Variants in TRPM8 observed in about 807,000 individuals in gnomAD.
TRPM8 encodes TRPM8 cationic channel.
Under a neutral mutation model 133.7 loss-of-function variants are expected in TRPM8, and 110 were observed. That is an observed-to-expected ratio of 0.82 (90% CI 0.70 to 0.96). TRPM8 has a LOEUF of 0.96. Among genes scored for constraint, TRPM8 ranks in the 40% least tolerant of loss-of-function variants. The pLI is 0.00. For synonymous variants in TRPM8, 535 were observed against 532.3 expected (o/e 1.01, Z -0.07); for missense variants, 1,291 against 1,379.5 (o/e 0.94, Z 1.02).
intron 9 of TRPM8, among the ~76,000 whole-genome samples, chr2:233,952,467 G>A (rs1055693204): frequency 6.6e-6 from 1 of 151,930 alleles, no homozygotes; most frequent in Non-Finnish European, 1.5e-5. Flanking sequence ...GGTGGGGGCT[G>A]GGGTTGTGGT....
intron 11 of TRPM8, among the ~76,000 whole-genome samples, chr2:233,958,428 G>A (rs1230539014): frequency 6.6e-6 from 1 of 152,108 alleles, no homozygotes; most frequent in Non-Finnish European, 1.5e-5. Flanking sequence ...GTGGCGGCCT[G>A]GGAATAACCT....
intron 17 of TRPM8, among the ~76,000 whole-genome samples, chr2:233,978,880 A>G (rs141660491): frequency 4.6e-5 from 7 of 152,206 alleles, no homozygotes; most frequent in African/African-American, 1.4e-4. Flanking sequence ...TCAAGTTGCT[A>G]TTCGAATTTA....
In TRPM8 at chr2:233,940,167, T is replaced by C. The variant is rs555456076; in HGVS notation, c.526+992T>C. On this transcript the variant is annotated intron_variant, in intron 5 of 25. Coordinates refer to ENST00000324695, the MANE Select transcript of TRPM8 (RefSeq NM_024080.5). ...GACTGTCTCTCATTGTGGATTTGGT[T>C]GATGTTTTCTCGTGATTAGATTCAG... Among the ~76,000 whole-genome samples, 5 of 152,260 alleles carry C rather than the reference T, an allele frequency of 3.3e-5. No individual in the cohort carries two copies. In the East Asian group the frequency reaches 9.6e-4, roughly 29 times the overall value.
chr2:233,932,449 G>A (rs1232137557), intron 3 of TRPM8, among the ~76,000 whole-genome samples: 2 of 151,862 alleles, frequency 1.3e-5, no homozygotes, highest in Non-Finnish European at 2.9e-5. Flanking sequence ...TGGGGCTGGA[G>A]GATGGAAGTT....
chr2:233,944,029 T>C (rs1407630482), intron 6 of TRPM8, among the ~76,000 whole-genome samples: 7 of 152,132 alleles, frequency 4.6e-5, no homozygotes, highest in African/African-American at 1.7e-4. Flanking sequence ...AGGAGGCGTT[T>C]TGAAGACAGA....
chr2:234,008,285 G>A (rs999008304), intron 24 of TRPM8, among the ~76,000 whole-genome samples, 182 bp downstream of exon 24: 2 of 152,230 alleles, frequency 1.3e-5, no homozygotes, highest in Non-Finnish European at 2.9e-5. Context: ...TCCCAGGGAA[G>A]AGTCTTGAAG....
intron 21 of TRPM8, among the ~76,000 whole-genome samples, chr2:233,990,359 A>C (rs560584341): frequency 1.1e-4 from 16 of 152,368 alleles, no homozygotes; most frequent in Non-Finnish European, 1.6e-4. Flanking sequence ...ACACTCTAGC[A>C]GCCGGTCAGA....
At chr2:233,968,384 G>A (rs561372449) in intron 15 of TRPM8, 3 of 152,592 alleles carry the variant, frequency 2.0e-5, no homozygotes, top group African/African-American at 7.2e-5. Flanking sequence ...GGGCACCCGG[G>A]GCTCAGCCTG....
At chr2:233,991,235 T>C (rs750760281) in intron 21 of TRPM8, among the ~76,000 whole-genome samples, 4 of 152,220 alleles carry the variant, frequency 2.6e-5, no homozygotes, top group Admixed American at 6.5e-5. Context: ...AGAAATGTCA[T>C]GGGTCTTCGT....
At chr2:233,964,242 C>T (rs1559531455) in intron 13 of TRPM8, among the ~76,000 whole-genome samples, 1 of 152,084 alleles carries the variant, frequency 6.6e-6, no homozygotes, top group Middle Eastern at 3.4e-3. Flanking sequence ...TTGACTTGAC[C>T]ACTTCAAGGG....
At chr2:233,973,613 C>T (rs1691789814) in intron 17 of TRPM8, among the ~76,000 whole-genome samples, 1 of 152,202 alleles carries the variant, frequency 6.6e-6, no homozygotes, top group Non-Finnish European at 1.5e-5. Context: ...ATGTCACATG[C>T]CAAGGTACTG....
At chr2:233,964,879 T>G in intron 14 of TRPM8, 122 bp downstream of exon 14, 1 of 1,061,888 alleles carries the variant, frequency 9.4e-7, no homozygotes, top group Non-Finnish European at 1.3e-6. Flanking sequence ...CCCAGTCTGA[T>G]TGAGGGCTGC....
chr2:233,918,816 C>A (rs1054353219), intron 1 of TRPM8, among the ~76,000 whole-genome samples: 3 of 152,286 alleles, frequency 2.0e-5, no homozygotes, highest in African/African-American at 4.8e-5. Context: ...CCCTGCCATG[C>A]CCCTGCCAAA....
chr2:233,946,122 G>A (rs888622743), intron 7 of TRPM8, 92 bp downstream of exon 7: 73 of 1,222,540 alleles, frequency 6.0e-5, no homozygotes, highest in Non-Finnish European at 7.3e-5. Context: ...TGAGTGATGC[G>A]TGAGAAACAC....
chr2:233,924,940 C>A (rs369783630), intron 1 of TRPM8, among the ~76,000 whole-genome samples: 2 of 152,252 alleles, frequency 1.3e-5, no homozygotes, highest in South Asian at 4.2e-4. Context: ...GTAAAAGAAG[C>A]GCTTGTTGTT....
intron 22 of TRPM8, among the ~76,000 whole-genome samples, chr2:234,006,577 A>T (rs1228044328): frequency 6.6e-6 from 1 of 152,252 alleles, no homozygotes; most frequent in African/African-American, 2.4e-5. Flanking sequence ...TTGCGAAGTC[A>T]CAAAACACAC....
Position 234,000,339 on chromosome 2 carries a change from G to A in TRPM8, c.3130+3823G>A, listed in dbSNP as rs148835750. The stretch of plus-strand genomic sequence containing the variant: ...TTGGCCAGGCTCGTCTTGAACTCCT[G>A]ACTTTGTGATCTGCCTGCCTTGGCC... On this transcript the variant is annotated intron_variant, in intron 22 of 25. Coordinates refer to ENST00000324695, the MANE Select transcript of TRPM8 (RefSeq NM_024080.5). Among the ~76,000 whole-genome samples the A allele has an allele frequency of 3.8e-3, 578 of 152,190 alleles. 9 individuals carry two copies. The highest frequency in any genetic ancestry group is 0.013 in the African/African-American group (543 of 41,526).
At chr2:233,922,512 T>A (rs1278656135) in intron 1 of TRPM8, among the ~76,000 whole-genome samples, 1 of 152,154 alleles carries the variant, frequency 6.6e-6, no homozygotes, top group Non-Finnish European at 1.5e-5. Flanking sequence ...CTTTCTGCAT[T>A]GAGATAAAAT....
chr2:233,982,034 C>A (rs1213306477), intron 19 of TRPM8, 119 bp downstream of exon 19: 1 of 1,156,040 alleles, frequency 8.7e-7, no homozygotes, highest in Non-Finnish European at 1.2e-6. Flanking sequence ...CAGTAACATT[C>A]GCTTTCTTTG....
Sources: allele counts gnomAD v4.1 joint callset (sites outside exome capture counted in the v4.1 genomes callset), GRCh38; gene constraint gnomAD v4.1.1; transcripts MANE v1.5; gene names NCBI Gene and HGNC (gene_info 2026-07-23, HGNC 2026-07-21).